TMC3: variants seen among roughly 807,000 people sequenced by gnomAD.
The protein encoded by TMC3 is transmembrane channel-like protein 3.
A neutral mutation model predicts 110.6 loss-of-function variants in TMC3; 98 were observed. That is an observed-to-expected ratio of 0.89 (90% CI 0.75 to 1.05). The LOEUF is 1.05. TMC3 is among the 50% of genes least tolerant of loss of function. TMC3 has a pLI of 0.00. For missense variants in TMC3, 1,319 were observed against 1,373.2 expected, an observed-to-expected ratio of 0.96 and a Z score of 0.62; for synonymous variants, 489 against 513.1, an observed-to-expected ratio of 0.95 and a Z score of 0.63.
rs1181175485 is a variant in TMC3 at position 81,343,919 on chromosome 15, A to C, written c.1645T>G (p.Phe549Val). 1 of 1,611,542 alleles carries C rather than the reference A, an allele frequency of 6.2e-7. No individual in the cohort carries two copies. Among genetic ancestry groups the C allele is most frequent in the Non-Finnish European group, 8.5e-7 (1 of 1,178,554 alleles). Residue 549 changes from phenylalanine (F) to valine (V), a missense_variant and splice_region_variant, in exon 14 of 22, where the codon TTT becomes GTT. Transcript: ENST00000359440. ...AACAGACACAGCATTTTACTTACAA[A>C]CTTGCTCTCCAGATCCCAACACCAG... ...DYWCWDLESK[F>V]PEYGEFKIAE...
At chr15:81,358,335 G>C in intron 6 of TMC3, 44 bp from the exon 7 acceptor site, 1 of 1,598,702 alleles carries the variant, frequency 6.3e-7, no homozygotes, top group Non-Finnish European at 8.5e-7. Flanking sequence ...CCCGTTCCCA[G>C]GTCTCAGAAC....
chr15:81,365,670 CA>C (rs398043535), intron 3 of TMC3, among the ~76,000 whole-genome samples: 17,490 of 81,920 alleles, frequency 0.21, 1,965 homozygotes, highest in African/African-American at 0.42. Context: ...GACTCTGTCT[CA>C]AAAAAAAAAA....
At chr15:81,362,143 C>T in intron 4 of TMC3, 77 bp downstream of exon 4, 1 of 1,323,680 alleles carries the variant, frequency 7.6e-7, no homozygotes, top group South Asian at 1.3e-5. Flanking sequence ...AGGACCAGAA[C>T]ACAGCAGACT....
Position 81,339,477 on chromosome 15 carries a change from G to A in TMC3, c.1872C>T (p.Leu624=). ...SRSNNFYLAM[L]LFMLFLCMLP... ...GCATGCACAGAAACAGCATAAACAG[G>A]AGCATTGCCAAGTAGAAGTTGTTGG... Residue 624 remains leucine (L), a synonymous_variant, in exon 17 of 22, where the codon CTC becomes CTT. Coordinates refer to ENST00000359440, the MANE Select transcript of TMC3 (RefSeq NM_001080532.3). 6.2e-7 allele frequency: 1 copy of A among 1,606,800 alleles called. No individual in the cohort carries two copies. Among genetic ancestry groups the A allele is most frequent in the Non-Finnish European group, 8.5e-7 (1 of 1,176,426 alleles).
chr15:81,338,133 C>G (rs1274477769), intron 18 of TMC3, among the ~76,000 whole-genome samples: 1 of 152,146 alleles, frequency 6.6e-6, no homozygotes, highest in Non-Finnish European at 1.5e-5. Context: ...CTCTTCCTGG[C>G]TTTCCACAGC....
chr15:81,364,707 A>T (rs138904457), intron 3 of TMC3, among the ~76,000 whole-genome samples: 1,445 of 135,078 alleles, frequency 0.011, 15 homozygotes, highest in East Asian at 0.063. Context: ...TTCCAAAAAA[A>T]AAAAAATAAA....
chr15:81,368,264 C>T lies in TMC3; in HGVS notation c.301G>A (p.Ala101Thr). The change falls in exon 3 of 22, where the codon GCA becomes ACA. Residue 101 changes from alanine (A) to threonine (T), a missense_variant. Physicochemically the swap from Ala to Thr is moderately conservative, Grantham distance 58 (BLOSUM62 0). Coordinates refer to ENST00000359440, the MANE Select transcript of TMC3 (RefSeq NM_001080532.3). ...RLTRTRGYQAAGAELWRKFAR... is the reference protein window; with the variant it reads ...RLTRTRGYQATGAELWRKFAR... Reference sequence around the variant, plus strand: ...GTGTTCTGTATTACCTCTGCACCTGCTGCTTGGTAGCCTCGGGTCCTGGTC... The same window carrying T: ...GTGTTCTGTATTACCTCTGCACCTGTTGCTTGGTAGCCTCGGGTCCTGGTC... The T allele has an allele frequency of 1.2e-6, 2 of 1,613,538 alleles. No homozygotes were observed. Among genetic ancestry groups the T allele is most frequent in the Non-Finnish European group, 1.7e-6 (2 of 1,179,576 alleles).
chr15:81,373,909 G>A (rs1031855447), intron 1 of TMC3, 80 bp downstream of exon 1: 4 of 1,316,016 alleles, frequency 3.0e-6, no homozygotes, highest in Middle Eastern at 2.3e-4. Flanking sequence ...CAGGGACTTT[G>A]TCCCTCGCTC....
At chr15:81,364,880 C>A (rs908219618) in intron 3 of TMC3, among the ~76,000 whole-genome samples, 2 of 151,080 alleles carry the variant, frequency 1.3e-5, no homozygotes, top group African/African-American at 4.9e-5. Flanking sequence ...TATGCTGATG[C>A]TTGTAATGTT....
At position 81,344,898 on chromosome 15, in the gene TMC3, G is replaced by A; in HGVS notation, c.1386C>T (p.Leu462=). The A allele has an allele frequency of 1.2e-6, 2 of 1,613,934 alleles. No individual in the cohort carries two copies. Among genetic ancestry groups the A allele is most frequent in the Non-Finnish European group, 1.7e-6 (2 of 1,179,880 alleles). Residue 462 remains leucine (L), a synonymous_variant, in exon 13 of 22, where the codon CTC becomes CTT. Coordinates refer to ENST00000359440, the MANE Select transcript of TMC3 (RefSeq NM_001080532.3). ...CCAAGGCCCATGTGTTGTTTCTCCT[G>A]AGCCCCATTCCAGGCCGAGATGTGG... is the stretch of plus-strand genomic sequence containing the variant. ...KWSTSRPGMG[L]RRNNTWALEE...
chr15:81,350,996 C>T (rs778150932), intron 10 of TMC3, among the ~76,000 whole-genome samples: 3 of 152,124 alleles, frequency 2.0e-5, no homozygotes, highest in Non-Finnish European at 4.4e-5. Flanking sequence ...TAAATATTCA[C>T]GAATGACACC....
At chr15:81,370,151 A>G (rs1894402444) in intron 2 of TMC3, among the ~76,000 whole-genome samples, 1 of 152,164 alleles carries the variant, frequency 6.6e-6, no homozygotes, top group Non-Finnish European at 1.5e-5. Context: ...CTTGCTTCCT[A>G]CAGGGGAAAC....
At chr15:81,352,094 G>A (rs984069188) in intron 9 of TMC3, among the ~76,000 whole-genome samples, 3 of 152,116 alleles carry the variant, frequency 2.0e-5, no homozygotes, top group African/African-American at 7.2e-5. Flanking sequence ...ACAAATAAAC[G>A]CCTCTTGTTT....
chr15:81,373,895 A>G (rs1894491881), intron 1 of TMC3, 94 bp downstream of exon 1: 1 of 1,165,356 alleles, frequency 8.6e-7, no homozygotes, highest in African/African-American at 1.5e-5. Flanking sequence ...ACAACTGAGC[A>G]GGACAGGGAC....
intron 12 of TMC3, among the ~76,000 whole-genome samples, chr15:81,345,648 T>C (rs1264586298): frequency 6.6e-6 from 1 of 152,012 alleles, no homozygotes; most frequent in Non-Finnish European, 1.5e-5. Context: ...GGCAGGGGAA[T>C]CGCTTGAGCC....
At chr15:81,373,954 C>A in intron 1 of TMC3, 35 bp downstream of exon 1, 1 of 1,599,202 alleles carries the variant, frequency 6.3e-7, no homozygotes, top group Non-Finnish European at 8.5e-7. Flanking sequence ...ACACACCTGA[C>A]TCCTCTGCCC....
intron 9 of TMC3, among the ~76,000 whole-genome samples, chr15:81,353,969 A>G (rs10162784): frequency 0.16 from 23,713 of 152,108 alleles, 3,501 homozygotes; most frequent in African/African-American, 0.4. Context: ...TGGGAGACAC[A>G]GGGCTCATCT....
chr15:81,365,553 C>A lies in TMC3; in HGVS notation c.312+2700G>T, dbSNP rs867801520. On this transcript the variant is annotated intron_variant, in intron 3 of 21. Coordinates refer to ENST00000359440, the MANE Select transcript of TMC3 (RefSeq NM_001080532.3). Reference sequence around the variant, plus strand: ...AGGCGTGGTGGCAGGCGCCTGTAATCCCAGCTACTCAGGAGGCTGAGACAG... The same window carrying A: ...AGGCGTGGTGGCAGGCGCCTGTAATACCAGCTACTCAGGAGGCTGAGACAG... Among the ~76,000 whole-genome samples, 95 of 151,722 alleles carry A rather than the reference C, an allele frequency of 6.3e-4. 1 individual carries two copies. The Middle Eastern group carries it at 0.02, about 33-fold the overall frequency.
intron 20 of TMC3, among the ~76,000 whole-genome samples, chr15:81,336,318 C>T (rs1207175562): frequency 6.6e-6 from 1 of 152,152 alleles, no homozygotes; most frequent in Non-Finnish European, 1.5e-5. Context: ...AGAGCTAGCT[C>T]TAGGGGCTAG....
Sources: gnomAD v4.1 joint callset for allele counts (sites outside exome capture counted in the v4.1 genomes callset) on GRCh38, gnomAD v4.1.1 for gene constraint, MANE v1.5 for transcripts, NCBI Gene and HGNC (gene_info 2026-07-23, HGNC 2026-07-21) for gene names.